SYNE2: variants seen among roughly 807,000 people sequenced by gnomAD.
The protein encoded by SYNE2 is nesprin-2.
In SYNE2, 431 loss-of-function variants were observed where a neutral mutation model predicts 856.3. The ratio of observed to expected loss-of-function variants is 0.50; its 90% CI spans 0.47 to 0.55. SYNE2 has a LOEUF of 0.55. Ranked by LOEUF, SYNE2 falls within the 20% of genes least tolerant of loss-of-function variation. SYNE2 has a pLI of 0.00. For synonymous variants in SYNE2, 2,923 were observed against 2,872.3 expected (o/e 1.02, Z -0.56); for missense variants, 8,129 against 8,023.2 (o/e 1.01, Z -0.50).
chr14:64,216,804 A>T (rs1478728356), intron 108 of SYNE2, among the ~76,000 whole-genome samples: 1 of 152,176 alleles, frequency 6.6e-6, no homozygotes, highest in African/African-American at 2.4e-5. Flanking sequence ...GACTTACTGC[A>T]ATCTCTGCCT....
Position 64,212,106 on chromosome 14 carries a change from C to T in SYNE2, c.18861+8C>T, listed in dbSNP as rs780565577. The T allele has an allele frequency of 1.8e-5, 29 of 1,613,794 alleles. No homozygotes were observed. Among genetic ancestry groups the T allele is most frequent in the Non-Finnish European group, 2.3e-5 (27 of 1,180,026 alleles). On this transcript the variant is annotated splice_region_variant and intron_variant, in intron 104 of 115. Coordinates refer to ENST00000555002, the MANE Select transcript of SYNE2 (RefSeq NM_182914.3). ...AAGATGCGCCAACTGAATGTGAGGG[C>T]TGCTGCTTCCCTAGCTCTTCTCAAA...
Position 63,986,499 on chromosome 14 carries a change from A to T in SYNE2, c.2195A>T (p.Gln732Leu). Residue 732 changes from glutamine (Q) to leucine (L), a missense_variant, in exon 19 of 116, where the codon CAA (glutamine) becomes CTA (leucine). Physicochemically the swap from Gln to Leu is moderately radical, Grantham distance 113. Transcript: ENST00000555002. Reference sequence around the variant, plus strand: ...AAAGAAAATGAAGAATTCACAGGGCAACTAAAAGTGGCTAAAGATGTTGAA... The same window carrying T: ...AAAGAAAATGAAGAATTCACAGGGCTACTAAAAGTGGCTAAAGATGTTGAA... ...HEKENEEFTG[Q>L]LKVAKDVEKL... The T allele has an allele frequency of 6.2e-7, 1 of 1,614,210 alleles. No individual in the cohort carries two copies. The highest frequency in any genetic ancestry group is 8.5e-7 in the Non-Finnish European group (1 of 1,180,026).
rs149683963 is a variant in SYNE2, at chr14:63,958,214, T to C, written c.787+3299T>C. 1.5e-3 allele frequency among the ~76,000 whole-genome samples: 223 copies of C among 152,306 alleles called. 4 individuals are homozygous for C. The East Asian group carries it at 0.019, about 13-fold the overall frequency. On this transcript the variant is annotated intron_variant, in intron 8 of 115. Coordinates refer to ENST00000555002, the MANE Select transcript of SYNE2 (RefSeq NM_182914.3). Reference sequence around the variant, plus strand: ...TAATGAACCAATATGGATATGTTATTTTAAATTAAGGTAATACTTTATTCA... The same window carrying C: ...TAATGAACCAATATGGATATGTTATCTTAAATTAAGGTAATACTTTATTCA...
In SYNE2 at chr14:63,978,909, G is replaced by T; in HGVS notation, c.1464G>T (p.Lys488Asn). ...FILLLEFHYY[K>N]CLVLGLVDEV... The stretch of plus-strand genomic sequence containing the variant: ...TACTTCTAGAATTTCATTACTACAA[G>T]TGCTTAGTTCTTGGTTTGGTAGATG... The change falls in exon 14 of 116, where the codon AAG (lysine) becomes AAT (asparagine). Residue 488 changes from lysine to asparagine, a missense_variant. Around this residue, in one of 3 missense-constraint regions of SYNE2, gnomAD observed 2,422 missense variants for 2,357.4 expected, o/e 1.03. Coordinates refer to ENST00000555002, the MANE Select transcript of SYNE2 (RefSeq NM_182914.3). The T allele has an allele frequency of 6.2e-7, 1 of 1,612,856 alleles. No homozygotes were observed. Among genetic ancestry groups the T allele is most frequent in the Non-Finnish European group, 8.5e-7 (1 of 1,179,004 alleles).
chr14:63,789,636 T>C (rs1167662747), intron 1 of SYNE2, among the ~76,000 whole-genome samples: 1 of 151,906 alleles, frequency 6.6e-6, no homozygotes, highest in Non-Finnish European at 1.5e-5. Flanking sequence ...ATACAAAAAT[T>C]AACCAGGTTG....
chr14:64,056,402 A>G, intron 49 of SYNE2, 136 bp downstream of exon 49: 1 of 708,824 alleles, frequency 1.4e-6, no homozygotes, highest in Non-Finnish European at 2.2e-6. Flanking sequence ...CATTAGAGAT[A>G]ATTTGGAAAA....
intron 65 of SYNE2, among the ~76,000 whole-genome samples, chr14:64,108,125 G>C (rs956050204): frequency 6.6e-6 from 1 of 152,154 alleles, no homozygotes; most frequent in Non-Finnish European, 1.5e-5. Context: ...AATGCAGGTG[G>C]ATCACCTGAT....
At chr14:63,838,724 G>T (rs1324184443) in intron 1 of SYNE2, among the ~76,000 whole-genome samples, 4 of 152,044 alleles carry the variant, frequency 2.6e-5, no homozygotes, top group Admixed American at 6.6e-5. Flanking sequence ...TCCCCAGCTT[G>T]CCTTGAACTC....
chr14:64,084,807 T>C, intron 57 of SYNE2: 1 of 592,094 alleles, frequency 1.7e-6, no homozygotes, highest in Non-Finnish European at 3.0e-6. Flanking sequence ...TAGCTAAGTA[T>C]CTCTGGCTCA....
Position 64,143,670 on chromosome 14 carries a change from T to G in SYNE2, c.15307-102T>G, listed in dbSNP as rs554490026. 4.6e-5 allele frequency: 58 copies of G among 1,264,188 alleles called. No individual in the cohort carries two copies. The African/African-American group carries it at 8.4e-4, about 18-fold the overall frequency. The allele number at this position is 1,264,188 out of a possible 1,614,324, so 78.3% of individuals were successfully genotyped here. ...GAACTCCTGACAGGTGCCCCTTGAT[T>G]AATGGACGGGAGCTTGGTGCCCCCT... On this transcript the variant is annotated intron_variant, in intron 82 of 115. Transcript: ENST00000555002.
At chr14:64,149,997 T>TTTTC in intron 84 of SYNE2, among the ~76,000 whole-genome samples, 1 of 145,334 alleles carries the variant, frequency 6.9e-6, no homozygotes. Context: ...ATGGCTTTTT[T>TTTTC]TTTTCTTTTC....
chr14:64,008,709 G>T lies in SYNE2; in HGVS notation c.4578-1257G>T, dbSNP rs76623165. 1.8e-3 allele frequency among the ~76,000 whole-genome samples: 280 copies of T among 152,166 alleles called. 1 individual carries two copies. The highest frequency in any genetic ancestry group is 6.1e-3 in the African/African-American group (252 of 41,504). ...ATGGGTTATCCCTACAGGCTGAACT[G>T]CCCAGGCTGAGGGTTCCAGCAGGGT... On this transcript the variant is annotated intron_variant, in intron 31 of 115. Transcript: ENST00000555002.
In SYNE2 at chr14:64,129,997, T is replaced by C. The variant is rs1567394378; in HGVS notation, c.14140-51T>C. 3 of 1,613,146 alleles carry C rather than the reference T, an allele frequency of 1.9e-6. No individual in the cohort carries two copies. The African/African-American group carries it at 4.0e-5, about 22-fold the overall frequency. On this transcript the variant is annotated intron_variant, in intron 75 of 115. Transcript: ENST00000555002. Reference sequence around the variant, plus strand: ...AGAGTTTAGATTTGTCTTTCAGTTATTGCCCCGGTTGGATGAAAATGCATG... The same window carrying C: ...AGAGTTTAGATTTGTCTTTCAGTTACTGCCCCGGTTGGATGAAAATGCATG...
chr14:63,813,748 T>C (rs1888709000), intron 1 of SYNE2, among the ~76,000 whole-genome samples: 1 of 150,016 alleles, frequency 6.7e-6, no homozygotes, highest in Non-Finnish European at 1.5e-5. Context: ...ATGGTGAAAC[T>C]CCGTCTCTAC....
At position 63,861,621 on chromosome 14, in the gene SYNE2, A is replaced by G. The variant is rs56125811; in HGVS notation, c.-52+8478A>G. 7.8e-4 allele frequency among the ~76,000 whole-genome samples: 24 copies of G among 30,598 alleles called. No individual in the cohort carries two copies. The South Asian group carries it at 0.019, about 25-fold the overall frequency. 20.1% of individuals were successfully genotyped at this position (30,598 alleles called of 152,430 possible). The stretch of plus-strand genomic sequence containing the variant: ...GCCTGGGCAACATAGTGAGACCCCA[A>G]TCTCAAAAAAAAAAATTAGCTGGGC... On this transcript the variant is annotated intron_variant, in intron 1 of 115. Coordinates refer to ENST00000555002, the MANE Select transcript of SYNE2 (RefSeq NM_182914.3).
intron 66 of SYNE2, among the ~76,000 whole-genome samples, chr14:64,119,049 A>C (rs2097877461): frequency 6.6e-6 from 1 of 152,212 alleles, no homozygotes. Flanking sequence ...ACTCCTCTAA[A>C]GTAAGGTGCC....
chr14:64,143,573 C>G (rs574252492), intron 82 of SYNE2, among the ~76,000 whole-genome samples, 199 bp from the exon 83 acceptor site: 1 of 152,294 alleles, frequency 6.6e-6, no homozygotes, highest in South Asian at 2.1e-4. Context: ...CAGTGCATCT[C>G]TGTGTAATTC....
rs762482062 is a variant in SYNE2, at chr14:64,024,302, G to A, written c.5683G>A (p.Asp1895Asn). ...EGRNSKIKQV[D>N]SVLKHVKKHL... is the part of the protein sequence containing the mutation. ...AAGAAACAGTAAAATAAAGCAGGTG[G>A]ACAGCGTACTGAAGCATGTGAAGAA... The change falls in exon 39 of 116, where the codon GAC becomes AAC. Residue 1895 changes from aspartate to asparagine, a missense_variant. Coordinates refer to ENST00000555002, the MANE Select transcript of SYNE2 (RefSeq NM_182914.3). 2 of 1,613,964 alleles carry A rather than the reference G, an allele frequency of 1.2e-6. No individual in the cohort carries two copies. The highest frequency in any genetic ancestry group is 1.3e-5 in the African/African-American group (1 of 74,910).
chr14:63,917,858 A>AT (rs746394151), intron 2 of SYNE2, among the ~76,000 whole-genome samples: 11,934 of 146,622 alleles, frequency 0.081, 1,254 homozygotes, highest in African/African-American at 0.25. Context: ...TGTTTTTCAA[A>AT]TTTTTTTTTT....
Sources: gnomAD v4.1 joint callset for allele counts (sites outside exome capture counted in the v4.1 genomes callset) on GRCh38, gnomAD v4.1.1 for gene constraint, gnomAD v4.1.1 regional missense constraint, MANE v1.5 for transcripts, NCBI Gene and HGNC (gene_info 2026-07-23, HGNC 2026-07-21) for gene names.